The following CCER1 variants were observed in gnomAD, a reference collection of about 807,000 sequenced individuals.
The protein encoded by CCER1 is coiled-coil domain-containing glutamate-rich protein 1.
For synonymous variants in CCER1, 246 were observed against 213.8 expected (o/e 1.15, Z -1.31); for missense variants, 573 against 524.5 (o/e 1.09, Z -0.90).
At position 90,953,413 on chromosome 12, in the gene CCER1, T is replaced by C. The variant is rs1876530614; in HGVS notation, c.*109A>G. The C allele has an allele frequency of 7.6e-7, 1 of 1,310,348 alleles. No individual in the cohort carries two copies. Among genetic ancestry groups the C allele is most frequent in the South Asian group, 1.6e-5 (1 of 64,400 alleles). 81.2% of individuals were successfully genotyped at this position (1,310,348 alleles called of 1,614,324 possible). A position where few individuals can be genotyped will look rare whatever the true frequency, so the allele number is the denominator to read the frequency against. ...ATAATGGCCAAAGAAGGTGTTTACATAGATCTGTTTATTAATGGAACTCAC... is the reference window on the plus strand; with the variant it reads ...ATAATGGCCAAAGAAGGTGTTTACACAGATCTGTTTATTAATGGAACTCAC... On this transcript the variant is annotated 3_prime_UTR_variant, in exon 1 of 1. Transcript: ENST00000358859.
In CCER1 at chr12:90,954,679, AGCCGCCGCC is replaced by A; in HGVS notation, c.55_63del (p.Gly19_Gly21del). The A allele has an allele frequency of 6.3e-7, 1 of 1,589,126 alleles. No individual in the cohort carries two copies. On this transcript the variant is annotated inframe_deletion, in exon 1 of 1. Coordinates refer to ENST00000358859, the MANE Select transcript of CCER1 (RefSeq NM_152638.4). ...GCCGAGTGTGCCCAGCCACAGCCACAGCCGCCGCCGCCACCGCCGCCCAGGTTCAGAGGG... is the reference window on the plus strand; with the variant it reads ...GCCGAGTGTGCCCAGCCACAGCCACAGCCACCGCCGCCCAGGTTCAGAGGG...
At position 90,954,160 on chromosome 12, in the gene CCER1, T is replaced by C. The variant is rs767881614; in HGVS notation, c.583A>G (p.Asn195Asp). The change falls in exon 1 of 1, where the codon AAC becomes GAC. Residue 195 changes from asparagine (N) to aspartate (D), a missense_variant. Coordinates refer to ENST00000358859, the MANE Select transcript of CCER1 (RefSeq NM_152638.4). Reference protein sequence around the residue: ...APPNTTQFIMNQIYEDMRQQE... With the variant: ...APPNTTQFIMDQIYEDMRQQE... ...TGCCTCATGTCCTCGTAGATCTGGT[T>C]CATGATGAATTGGGTGGTGTTGGGC... is the stretch of plus-strand genomic sequence containing the variant. 9.3e-6 allele frequency: 15 copies of C among 1,611,276 alleles called. No homozygotes were observed. The South Asian group carries it at 1.6e-4, about 18-fold the overall frequency.
rs1876494111 is a variant in CCER1 at position 90,952,283 on chromosome 12, AAC to A, written c.*1237_*1238del. ...TTGAAAATTGTAATATATCAGTAAC[AAC>A]CAACATTCAGGTAAGACATCACCAC... On this transcript the variant is annotated 3_prime_UTR_variant, in exon 1 of 1. Transcript: ENST00000358859. 6.5e-6 allele frequency: 1 copy of A among 152,760 alleles called. No homozygotes were observed. The highest frequency in any genetic ancestry group is 2.4e-5 in the African/African-American group (1 of 41,582). The allele number at this position is 152,760 out of a possible 1,614,324, so 9.5% of individuals were successfully genotyped here.
Position 90,953,366 on chromosome 12 carries a change from C to T in CCER1, c.*156G>A, listed in dbSNP as rs563590819. ...CCACCCACCCATAGTCATACACATA[C>T]GCATCAAATTTTAAACATTTTATAA... On this transcript the variant is annotated 3_prime_UTR_variant, in exon 1 of 1. Transcript: ENST00000358859. 11 of 825,186 alleles carry T rather than the reference C, an allele frequency of 1.3e-5. No homozygotes were observed. Among genetic ancestry groups the T allele is most frequent in the African/African-American group, 5.2e-5 (3 of 57,990 alleles). The allele number at this position is 825,186 out of a possible 1,614,324, so 51.1% of individuals were successfully genotyped here. A position where few individuals can be genotyped will look rare whatever the true frequency, so the allele number is the denominator to read the frequency against.
chr12:90,953,822 G>C lies in CCER1; in HGVS notation c.921C>G (p.Val307=), dbSNP rs772125759. 1 of 1,547,848 alleles carries C rather than the reference G, an allele frequency of 6.5e-7. No individual in the cohort carries two copies. Among genetic ancestry groups the C allele is most frequent in the South Asian group, 1.1e-5 (1 of 89,688 alleles). The change falls in exon 1 of 1, where the codon GTC becomes GTG. Residue 307 remains valine, a synonymous_variant. Transcript: ENST00000358859. ...CTTCGACCTCTTCCTCCTCATCTTC[G>C]ACCTCTTCTTCCTCCTCGCTCGCCT... is the stretch of plus-strand genomic sequence containing the variant. ...AKEASEEEEE[V]EDEEEEVEDE...
In CCER1 at chr12:90,953,801, G is replaced by C. The variant is rs753135535; in HGVS notation, c.942C>G (p.Val314=). Residue 314 remains valine (V), a synonymous_variant, in exon 1 of 1, where the codon GTC becomes GTG. Coordinates refer to ENST00000358859, the MANE Select transcript of CCER1 (RefSeq NM_152638.4). ...EEEVEDEEEE[V]EDEEEEEVEE... is the part of the protein sequence containing the mutation. Reference sequence around the variant, plus strand: ...CGACCTCTTCTTCCTCCTCATCTTCGACCTCTTCCTCCTCATCTTCGACCT... The same window carrying C: ...CGACCTCTTCTTCCTCCTCATCTTCCACCTCTTCCTCCTCATCTTCGACCT... 1 of 1,496,048 alleles carries C rather than the reference G, an allele frequency of 6.7e-7. No homozygotes were observed. The highest frequency in any genetic ancestry group is 9.2e-7 in the Non-Finnish European group (1 of 1,082,280). 92.7% of individuals were successfully genotyped at this position (1,496,048 alleles called of 1,614,324 possible).
Position 90,954,323 on chromosome 12 carries a change from C to T in CCER1, c.420G>A (p.Lys140=). ...NPGWVKPPGR[K]KRWGRRGRGL... Reference sequence around the variant, plus strand: ...CGCGGCCTCTGCGGCCCCAGCGCTTCTTCCTGCCTGGGGGCTTCACCCAGC... The same window carrying T: ...CGCGGCCTCTGCGGCCCCAGCGCTTTTTCCTGCCTGGGGGCTTCACCCAGC... Residue 140 remains lysine, a synonymous_variant, in exon 1 of 1, where the codon AAG becomes AAA. Transcript: ENST00000358859. 6.2e-7 allele frequency: 1 copy of T among 1,604,796 alleles called. No homozygotes were observed. Among genetic ancestry groups the T allele is most frequent in the African/African-American group, 1.3e-5 (1 of 75,012 alleles).
Position 90,953,801 on chromosome 12 carries a change from G to T in CCER1, c.942C>A (p.Val314=). ...EEEVEDEEEE[V]EDEEEEEVEE... ...CGACCTCTTCTTCCTCCTCATCTTC[G>T]ACCTCTTCCTCCTCATCTTCGACCT... The change falls in exon 1 of 1, where the codon GTC becomes GTA. Residue 314 remains valine (V), a synonymous_variant. Coordinates refer to ENST00000358859, the MANE Select transcript of CCER1 (RefSeq NM_152638.4). 1 of 1,496,046 alleles carries T rather than the reference G, an allele frequency of 6.7e-7. No homozygotes were observed. Among genetic ancestry groups the T allele is most frequent in the African/African-American group, 1.4e-5 (1 of 72,374 alleles). 92.7% of individuals were successfully genotyped at this position (1,496,046 alleles called of 1,614,324 possible).
In CCER1 at chr12:90,953,853, G is replaced by T; in HGVS notation, c.890C>A (p.Ala297Glu). Residue 297 changes from alanine (A) to glutamate (E), a missense_variant, in exon 1 of 1, where the codon GCA becomes GAA. Transcript: ENST00000358859. ...TTCTTCCTCCTCGCTCGCCTCCTTT[G>T]CATCACACACCTCCTGGTCATACTC... ...EEEYDQEVCD[A>E]KEASEEEEEV... The T allele has an allele frequency of 6.2e-7, 1 of 1,602,786 alleles. No homozygotes were observed. Among genetic ancestry groups the T allele is most frequent in the Non-Finnish European group, 8.5e-7 (1 of 1,170,030 alleles).
In CCER1 at chr12:90,954,434, G is replaced by A. The variant is rs1862281132; in HGVS notation, c.309C>T (p.Pro103=). 6.2e-7 allele frequency: 1 copy of A among 1,611,510 alleles called. No homozygotes were observed. The highest frequency in any genetic ancestry group is 8.5e-7 in the Non-Finnish European group (1 of 1,178,786). The part of the protein sequence containing the change: ...RPPPPGFWKF[P]CPVQVFRVYG... ...ACACCCGAAACACTTGCACCGGGCA[G>A]GGGAATTTCCAGAATCCTGGAGGGG... The change falls in exon 1 of 1, where the codon CCC becomes CCT. Residue 103 remains proline (P), a synonymous_variant. Transcript: ENST00000358859.
In CCER1 at chr12:90,954,251, C is replaced by G; in HGVS notation, c.492G>C (p.Ala164=). ...PRHSYPRSPP[A]DVSTLPRPVK... ...CCGGCCGCGGCAGCGTGCTCACATC[C>G]GCTGGCGGGCTCCGCGGGTAGGAGT... Residue 164 remains alanine (A), a synonymous_variant, in exon 1 of 1, where the codon GCG becomes GCC. Transcript: ENST00000358859. 1 of 1,604,648 alleles carries G rather than the reference C, an allele frequency of 6.2e-7. No homozygotes were observed. The highest frequency in any genetic ancestry group is 8.5e-7 in the Non-Finnish European group (1 of 1,179,216).
rs768934116 is a variant in CCER1, at chr12:90,954,502, C to A, written c.241G>T (p.Val81Leu). Residue 81 changes from valine (V) to leucine (L), a missense_variant, in exon 1 of 1, where the codon GTG becomes TTG. Val to Leu is a conservative substitution (Grantham distance 32). Transcript: ENST00000358859. The stretch of plus-strand genomic sequence containing the variant: ...CCCCAGCACCCCCAGTTAGAGCACA[C>A]GGGTGGTTGGAACCAAAAGCCCGGG... ...HGPGFWFQPP[V>L]CSNWGCWGGP... is the part of the protein sequence containing the mutation. 8 of 1,610,964 alleles carry A rather than the reference C, an allele frequency of 5.0e-6. No individual in the cohort carries two copies. The East Asian group carries it at 1.3e-4, about 27-fold the overall frequency.
Position 90,954,457 on chromosome 12 carries a change from G to C in CCER1, c.286C>G (p.Pro96Ala), listed in dbSNP as rs201979819. 8.7e-6 allele frequency: 14 copies of C among 1,609,964 alleles called. No homozygotes were observed. The African/African-American group carries it at 1.1e-4, about 12-fold the overall frequency. The change falls in exon 1 of 1, where the codon CCT (proline) becomes GCT (alanine). Residue 96 changes from proline to alanine, a missense_variant. By Grantham distance (27) the Pro-to-Ala change is conservative. Coordinates refer to ENST00000358859, the MANE Select transcript of CCER1 (RefSeq NM_152638.4). ...GCWGGPWRPPPPGFWKFPCPV... is the reference protein window; with the variant it reads ...GCWGGPWRPPAPGFWKFPCPV... ...CAGGGGAATTTCCAGAATCCTGGAG[G>C]GGGTGGGCGCCAGGGCCCTCCCCAG...
At position 90,954,253 on chromosome 12, in the gene CCER1, CTGGCGGGCTCCGCGGGTAGGAG is replaced by C; in HGVS notation, c.468_489del (p.His156GlnfsTer4). 1 of 1,604,530 alleles carries C rather than the reference CTGGCGGGCTCCGCGGGTAGGAG, an allele frequency of 6.2e-7. No individual in the cohort carries two copies. Among genetic ancestry groups the C allele is most frequent in the Non-Finnish European group, 8.5e-7 (1 of 1,179,192 alleles). On this transcript the variant is annotated frameshift_variant, in exon 1 of 1. Coordinates refer to ENST00000358859, the MANE Select transcript of CCER1 (RefSeq NM_152638.4). LOFTEE classifies it low-confidence loss of function (END_TRUNC). ...GGCCGCGGCAGCGTGCTCACATCCG[CTGGCGGGCTCCGCGGGTAGGAG>C]TGGCGAGGGTGGTGGCGCAGGCCGC...
At position 90,954,140 on chromosome 12, in the gene CCER1, C is replaced by T. The variant is rs1448590174; in HGVS notation, c.603G>A (p.Met201Ile). The change falls in exon 1 of 1, where the codon ATG becomes ATA. Residue 201 changes from methionine (M) to isoleucine (I), a missense_variant. Transcript: ENST00000358859. The stretch of plus-strand genomic sequence containing the variant: ...GACGCTCCACCTTCTCCTGCTGCCT[C>T]ATGTCCTCGTAGATCTGGTTCATGA... ...QFIMNQIYEDMRQQEKVERQQ... is the reference protein window; with the variant it reads ...QFIMNQIYEDIRQQEKVERQQ... 2.5e-6 allele frequency: 4 copies of T among 1,612,032 alleles called. No individual in the cohort carries two copies. The highest frequency in any genetic ancestry group is 3.4e-6 in the Non-Finnish European group (4 of 1,179,970).
Position 90,955,141 on chromosome 12 carries a change from C to T in CCER1, c.-399G>A, listed in dbSNP as rs148304050. The stretch of plus-strand genomic sequence containing the variant: ...CAGTTACCTGCTGCTCCCTCTCAAC[C>T]CAGGTGCTTCACTGTCGCCGTCCTG... On this transcript the variant is annotated 5_prime_UTR_variant, in exon 1 of 1. Transcript: ENST00000358859. The T allele has an allele frequency of 2.4e-4, 60 of 247,814 alleles. 1 individual carries two copies. In the East Asian group the frequency reaches 6.3e-3, roughly 26 times the overall value. 15.4% of individuals were successfully genotyped at this position (247,814 alleles called of 1,614,324 possible).
chr12:90,955,107 G>A lies in CCER1; in HGVS notation c.-365C>T, dbSNP rs1876618482. Reference sequence around the variant, plus strand: ...GCACGGGCTGGGGCCGGGGGAGGCAGGGGTTGCGCAGTTACCTGCTGCTCC... The same window carrying A: ...GCACGGGCTGGGGCCGGGGGAGGCAAGGGTTGCGCAGTTACCTGCTGCTCC... On this transcript the variant is annotated 5_prime_UTR_variant, in exon 1 of 1. Coordinates refer to ENST00000358859, the MANE Select transcript of CCER1 (RefSeq NM_152638.4). The A allele has an allele frequency of 3.0e-6, 1 of 333,958 alleles. No individual in the cohort carries two copies. Among genetic ancestry groups the A allele is most frequent in the Non-Finnish European group, 5.8e-6 (1 of 172,610 alleles). The allele number at this position is 333,958 out of a possible 1,614,324, so 20.7% of individuals were successfully genotyped here.
Position 90,953,545 on chromosome 12 carries a change from T to A in CCER1, c.1198A>T (p.Met400Leu), listed in dbSNP as rs200956633. 1 of 1,613,572 alleles carries A rather than the reference T, an allele frequency of 6.2e-7. No homozygotes were observed. The highest frequency in any genetic ancestry group is 8.5e-7 in the Non-Finnish European group (1 of 1,179,730). Residue 400 changes from methionine to leucine, a missense_variant, in exon 1 of 1, where the codon ATG becomes TTG. By Grantham distance (15) the Met-to-Leu change is conservative. Transcript: ENST00000358859. ...IPKVPQESLF[M>L]AQDFNC Reference sequence around the variant, plus strand: ...GTCTAACAGTTAAAGTCCTGTGCCATGAACAGGGATTCCTGTGGCACTTTG... The same window carrying A: ...GTCTAACAGTTAAAGTCCTGTGCCAAGAACAGGGATTCCTGTGGCACTTTG...
chr12:90,954,018 T>G lies in CCER1; in HGVS notation c.725A>C (p.Glu242Ala). ...CAGAGTTTCCTGCAGTCCCCAGGTTTCCTTGCTGCCGCCAGGGGGCGCGTC... is the reference window on the plus strand; with the variant it reads ...CAGAGTTTCCTGCAGTCCCCAGGTTGCCTTGCTGCCGCCAGGGGGCGCGTC... ...GNDAPPGGSK[E>A]TWGLQETLYG... Residue 242 changes from glutamate (E) to alanine (A), a missense_variant, in exon 1 of 1, where the codon GAA becomes GCA. By Grantham distance (107) the Glu-to-Ala change is moderately radical. Transcript: ENST00000358859. The G allele has an allele frequency of 3.1e-6, 5 of 1,614,222 alleles. No homozygotes were observed. The highest frequency in any genetic ancestry group is 4.2e-6 in the Non-Finnish European group (5 of 1,180,042).
Sources: allele counts gnomAD v4.1 joint callset, GRCh38; gene constraint gnomAD v4.1.1; transcripts MANE v1.5; gene names NCBI Gene and HGNC (gene_info 2026-07-23, HGNC 2026-07-21).